The following PCDHGA4 variants were observed in gnomAD, a reference collection of about 807,000 sequenced individuals.
PCDHGA4 encodes protocadherin gamma-A4.
Under a neutral mutation model 54.6 loss-of-function variants are expected in PCDHGA4, and 38 were observed. The observed-to-expected ratio is 0.70, with a 90% CI of 0.54 to 0.91. The LOEUF (loss-of-function observed/expected upper bound fraction) is 0.91, where lower values mean the gene tolerates loss of function less well. Among genes scored for constraint, PCDHGA4 ranks in the 40% least tolerant of loss-of-function variants. The pLI is 0.00. For synonymous variants in PCDHGA4, 511 were observed against 512.9 expected, an observed-to-expected ratio of 1.00 and a Z score of 0.05; for missense variants, 1,298 against 1,220.9, an observed-to-expected ratio of 1.06 and a Z score of -0.94.
chr5:141,379,967 T>C (rs1362425240), intron 1 of PCDHGA4, among the ~76,000 whole-genome samples: 1 of 142,578 alleles, frequency 7.0e-6, no homozygotes, highest in Non-Finnish European at 1.5e-5. Context: ...TGGTGTGATC[T>C]CTGCTCACTG....
At chr5:141,444,752 T>C (rs1376810825) in intron 1 of PCDHGA4, among the ~76,000 whole-genome samples, 2 of 152,228 alleles carry the variant, frequency 1.3e-5, no homozygotes, top group Non-Finnish European at 2.9e-5. Context: ...CTGATATATG[T>C]AGTTCTATTT....
intron 1 of PCDHGA4, chr5:141,385,132 G>C (rs763210124): frequency 1.2e-6 from 2 of 1,614,094 alleles, no homozygotes; most frequent in African/African-American, 1.3e-5. Flanking sequence ...GGGCATGGAC[G>C]GGGTGCAGGC....
At chr5:141,421,873 T>G (rs1219669838) in intron 1 of PCDHGA4, 3 of 1,613,592 alleles carry the variant, frequency 1.9e-6, no homozygotes, top group Non-Finnish European at 2.5e-6. Context: ...CCTCACAGCT[T>G]TAGATGGAGG....
rs551289441 is a variant in PCDHGA4, at chr5:141,444,102, C to T, written c.2515-50705C>T. ...TGAAAAGTCTGCTAAGGATTGGAAACCAAGAAAAGTGAAGTATCTCAACAG... is the reference window on the plus strand; with the variant it reads ...TGAAAAGTCTGCTAAGGATTGGAAATCAAGAAAAGTGAAGTATCTCAACAG... On this transcript the variant is annotated intron_variant, in intron 1 of 3. Coordinates refer to ENST00000571252, the MANE Select transcript of PCDHGA4 (RefSeq NM_018917.4). Among the ~76,000 whole-genome samples the T allele has an allele frequency of 1.5e-3, 216 of 144,128 alleles. 1 individual carries two copies. Among genetic ancestry groups the T allele is most frequent in the African/African-American group, 5.4e-3 (211 of 38,798 alleles). 94.6% of individuals were successfully genotyped at this position (144,128 alleles called of 152,430 possible).
At position 141,409,348 on chromosome 5, in the gene PCDHGA4, C is replaced by T. The variant is rs115471135; in HGVS notation, c.2514+51727C>T. The T allele has an allele frequency of 4.7e-4, 755 of 1,614,018 alleles. 4 individuals carry two copies. The African/African-American group carries it at 8.3e-3, about 18-fold the overall frequency. On this transcript the variant is annotated intron_variant, in intron 1 of 3. Coordinates refer to ENST00000571252, the MANE Select transcript of PCDHGA4 (RefSeq NM_018917.4). Reference sequence around the variant, plus strand: ...TGGATTTCGGAGGAAATGGAGAAGTCAGGTGTAATATAGAAACAGACATTC... The same window carrying T: ...TGGATTTCGGAGGAAATGGAGAAGTTAGGTGTAATATAGAAACAGACATTC...
intron 1 of PCDHGA4, among the ~76,000 whole-genome samples, chr5:141,369,573 C>T (rs12188189): frequency 0.047 from 7,089 of 152,168 alleles, 244 homozygotes; most frequent in Admixed American, 0.083. Flanking sequence ...GAAAAGAGAC[C>T]CTCTTGCTTT....
At chr5:141,409,168 G>T in intron 1 of PCDHGA4, 1 of 1,614,032 alleles carries the variant, frequency 6.2e-7, no homozygotes, top group Non-Finnish European at 8.5e-7. Flanking sequence ...TGGAAGCGAA[G>T]GACGGAGGTG....
intron 1 of PCDHGA4, among the ~76,000 whole-genome samples, chr5:141,387,290 A>G (rs2090890389): frequency 6.6e-6 from 1 of 152,168 alleles, no homozygotes; most frequent in Non-Finnish European, 1.5e-5. Flanking sequence ...GAAAGATAAA[A>G]TGTATCCAGT....
chr5:141,437,346 T>C (rs143931647), intron 1 of PCDHGA4, among the ~76,000 whole-genome samples: 2 of 152,380 alleles, frequency 1.3e-5, no homozygotes, highest in East Asian at 3.9e-4. Flanking sequence ...CACTGTTTTA[T>C]AGTACCTAAA....
intron 1 of PCDHGA4, among the ~76,000 whole-genome samples, chr5:141,434,491 C>CCCAGGGCAGAAAACTGCTTAA (rs1300377022): frequency 1.8e-4 from 27 of 152,302 alleles, no homozygotes; most frequent in Non-Finnish European, 3.4e-4. Context: ...ACCTGGCCCG[C>CCCAGGGCAGAAAACTGCTTAA]CCAGGGCAGA....
At chr5:141,407,328 A>G (rs1016529734) in intron 1 of PCDHGA4, among the ~76,000 whole-genome samples, 1 of 152,210 alleles carries the variant, frequency 6.6e-6, no homozygotes, top group Admixed American at 6.5e-5. Flanking sequence ...ATTTATAAAT[A>G]TTGAAATGTA....
In PCDHGA4 at chr5:141,375,730, C is replaced by A. The variant is rs763067110; in HGVS notation, c.2514+18109C>A. On this transcript the variant is annotated intron_variant, in intron 1 of 3. Coordinates refer to ENST00000571252, the MANE Select transcript of PCDHGA4 (RefSeq NM_018917.4). ...CTCTTAGCAGCAACGTGTCACTGAG[C>A]CTGTTTGTGCTGGACCAGAATGACA... 4 of 1,614,266 alleles carry A rather than the reference C, an allele frequency of 2.5e-6. No homozygotes were observed. Among genetic ancestry groups the A allele is most frequent in the Non-Finnish European group, 3.4e-6 (4 of 1,180,050 alleles).
intron 1 of PCDHGA4, chr5:141,421,166 A>T: frequency 7.7e-7 from 1 of 1,301,524 alleles, no homozygotes; most frequent in Non-Finnish European, 1.0e-6. Context: ...CTTCATAGAT[A>T]CATAAGCCGA....
Position 141,420,935 on chromosome 5 carries a change from A to G in PCDHGA4, c.2514+63314A>G, listed in dbSNP as rs542779087. ...GTGATTCACAAAGGTGAGCGTAATCATTTCTTCTGGAATTTCTTAGTCGTT... is the reference window on the plus strand; with the variant it reads ...GTGATTCACAAAGGTGAGCGTAATCGTTTCTTCTGGAATTTCTTAGTCGTT... On this transcript the variant is annotated intron_variant, in intron 1 of 3. Coordinates refer to ENST00000571252, the MANE Select transcript of PCDHGA4 (RefSeq NM_018917.4). 2.6e-5 allele frequency: 10 copies of G among 380,486 alleles called. 1 individual carries two copies. Among genetic ancestry groups the G allele is most frequent in the African/African-American group, 1.7e-4 (8 of 47,720 alleles). The allele number at this position is 380,486 out of a possible 1,614,324, so 23.6% of individuals were successfully genotyped here.
At chr5:141,364,124 G>A (rs1449257232) in intron 1 of PCDHGA4, 9 of 457,656 alleles carry the variant, frequency 2.0e-5, no homozygotes, top group Admixed American at 1.5e-4. Flanking sequence ...TCTGAGTGTC[G>A]CTGTTGACCA....
At chr5:141,398,009 C>T (rs1589315775) in intron 1 of PCDHGA4, 2 of 1,400,564 alleles carry the variant, frequency 1.4e-6, no homozygotes, top group Non-Finnish European at 1.9e-6. Flanking sequence ...GAAAAAGAAT[C>T]GTTTCCTAAA....
intron 1 of PCDHGA4, chr5:141,388,574 T>C (rs372294800): frequency 6.2e-7 from 1 of 1,613,724 alleles, no homozygotes; most frequent in East Asian, 2.2e-5. Flanking sequence ...AGATACACGT[T>C]CTAGTGACTG....
Position 141,395,019 on chromosome 5 carries a change from C to G in PCDHGA4, c.2514+37398C>G, listed in dbSNP as rs374672662. On this transcript the variant is annotated intron_variant, in intron 1 of 3. Transcript: ENST00000571252. ...TTCCGGTGGCAGATTGGTAGGCGTG[C>G]CTGCCTCACATTTTGTGGGTGTTGA... The G allele has an allele frequency of 3.7e-6, 6 of 1,613,986 alleles. No homozygotes were observed. Among genetic ancestry groups the G allele is most frequent in the Non-Finnish European group, 5.1e-6 (6 of 1,180,016 alleles).
At chr5:141,461,757 G>A (rs2099022119) in intron 1 of PCDHGA4, among the ~76,000 whole-genome samples, 1 of 151,994 alleles carries the variant, frequency 6.6e-6, no homozygotes, top group Non-Finnish European at 1.5e-5. Context: ...AGATTCAAGC[G>A]ATTCTCCTGC....
Sources: allele counts gnomAD v4.1 joint callset (sites outside exome capture counted in the v4.1 genomes callset), GRCh38; gene constraint gnomAD v4.1.1; transcripts MANE v1.5; gene names NCBI Gene and HGNC (gene_info 2026-07-23, HGNC 2026-07-21).